Variants in CNGA1 observed in about 807,000 individuals in gnomAD.
CNGA1 encodes the protein cyclic nucleotide gated channel subunit alpha 1.
CNGA1 carries 53 observed loss-of-function variants against 69.7 expected under a neutral mutation model. That is an observed-to-expected ratio of 0.76 (90% CI 0.61 to 0.96). The LOEUF (loss-of-function observed/expected upper bound fraction) is 0.96. Ranked by LOEUF, CNGA1 falls within the 40% of genes least tolerant of loss-of-function variation. The pLI is 0.00. For missense variants in CNGA1, 739 were observed against 811.2 expected, an observed-to-expected ratio of 0.91 and a Z score of 1.08; for synonymous variants, 249 against 283.5, an observed-to-expected ratio of 0.88 and a Z score of 1.22.
intron 2 of CNGA1, among the ~76,000 whole-genome samples, chr4:47,989,503 AAATT>A: frequency 6.6e-6 from 1 of 152,278 alleles, no homozygotes; most frequent in Admixed American, 6.5e-5. Flanking sequence ...GCCCCCTCAT[AAATT>A]ACTAACCATT....
chr4:47,978,827 A>G (rs1034995195), intron 3 of CNGA1, among the ~76,000 whole-genome samples: 3 of 152,138 alleles, frequency 2.0e-5, no homozygotes, highest in Non-Finnish European at 2.9e-5. Context: ...TTTGTCAAAG[A>G]AATTTCTTTA....
intron 1 of CNGA1, among the ~76,000 whole-genome samples, chr4:48,014,794 C>T (rs928344311): frequency 6.6e-6 from 1 of 152,130 alleles, no homozygotes; most frequent in African/African-American, 2.4e-5. Flanking sequence ...AAAATAAGCA[C>T]CATAGATCAC....
chr4:47,998,379 G>A (rs1299708915), intron 2 of CNGA1, among the ~76,000 whole-genome samples: 1 of 152,104 alleles, frequency 6.6e-6, no homozygotes, highest in African/African-American at 2.4e-5. Flanking sequence ...TAACTTCCAA[G>A]GTATTAACAG....
At chr4:47,983,703 T>G (rs894908436) in intron 2 of CNGA1, among the ~76,000 whole-genome samples, 4 of 152,190 alleles carry the variant, frequency 2.6e-5, no homozygotes, top group Non-Finnish European at 5.9e-5. Flanking sequence ...AAATTAATGG[T>G]AAATATTTGG....
chr4:47,989,356 A>C (rs1377733219), intron 2 of CNGA1, among the ~76,000 whole-genome samples: 2 of 152,174 alleles, frequency 1.3e-5, no homozygotes, highest in Non-Finnish European at 2.9e-5. Context: ...TTGAAAGTTA[A>C]TTTTATATGA....
At chr4:47,956,932 T>C (rs1019043081) in intron 3 of CNGA1, among the ~76,000 whole-genome samples, 1 of 152,134 alleles carries the variant, frequency 6.6e-6, no homozygotes, top group Non-Finnish European at 1.5e-5. Flanking sequence ...TTTTTATTTT[T>C]TTATTTTTTT....
intron 6 of CNGA1, among the ~76,000 whole-genome samples, chr4:47,944,736 C>T (rs1739292712): frequency 1.3e-5 from 2 of 152,146 alleles, no homozygotes. Context: ...GTGGTACTAT[C>T]CTCTGTAGGC....
chr4:47,992,657 A>ATTTAT (rs1553870333), intron 2 of CNGA1, among the ~76,000 whole-genome samples: 6 of 145,254 alleles, frequency 4.1e-5, no homozygotes, highest in East Asian at 2.1e-4. Flanking sequence ...GATGCCATTT[A>ATTTAT]TTATTTATTT....
At chr4:47,979,113 G>GA (rs1741564983) in intron 3 of CNGA1, among the ~76,000 whole-genome samples, 1 of 152,024 alleles carries the variant, frequency 6.6e-6, no homozygotes, top group Non-Finnish European at 1.5e-5. Flanking sequence ...TTGAGCTCAG[G>GA]AGTTTGAGAC....
At chr4:47,974,174 G>A (rs546963957) in intron 3 of CNGA1, among the ~76,000 whole-genome samples, 16 of 143,052 alleles carry the variant, frequency 1.1e-4, no homozygotes, top group African/African-American at 3.7e-4. Context: ...AAAAGAAAAA[G>A]CAAATTGTGA....
chr4:47,943,418 GA>G lies in CNGA1; in HGVS notation c.288-7del. The G allele has an allele frequency of 1.4e-6, 2 of 1,428,204 alleles. No homozygotes were observed. The highest frequency in any genetic ancestry group is 5.0e-5 in the East Asian group (2 of 39,932). The allele number at this position is 1,428,204 out of a possible 1,614,324, so 88.5% of individuals were successfully genotyped here. On this transcript the variant is annotated splice_polypyrimidine_tract_variant and splice_region_variant and intron_variant, in intron 6 of 10. Coordinates refer to ENST00000514170, the MANE Select transcript of CNGA1 (RefSeq NM_001379270.1). ...TCTTTTTTTCTTCTGGTTCCCTAAA[GA>G]AAAAAATAATATATCTGTCACATAA...
At chr4:47,999,868 T>C (rs528343725) in intron 2 of CNGA1, among the ~76,000 whole-genome samples, 16 of 152,260 alleles carry the variant, frequency 1.1e-4, no homozygotes, top group African/African-American at 1.7e-4. Context: ...AGAGATTTCA[T>C]TTCAAAACTA....
chr4:47,980,886 G>GCAGTTAATCTCTTCAGAC (rs1741674227), intron 3 of CNGA1, among the ~76,000 whole-genome samples: 2 of 41,406 alleles, frequency 4.8e-5, no homozygotes, highest in Non-Finnish European at 1.3e-4. Context: ...CTCGGGCGAG[G>GCAGTTAATCTCTTCAGAC]CACTTAATCT....
intron 2 of CNGA1, among the ~76,000 whole-genome samples, chr4:48,009,221 CTT>C (rs1714527099): frequency 6.6e-6 from 1 of 152,110 alleles, no homozygotes; most frequent in Non-Finnish European, 1.5e-5. Context: ...AATCCCAGCA[CTT>C]TGGGAGGCCT....
chr4:47,949,401 G>T (rs1412248182), intron 6 of CNGA1, among the ~76,000 whole-genome samples: 1 of 152,148 alleles, frequency 6.6e-6, no homozygotes, highest in Non-Finnish European at 1.5e-5. Flanking sequence ...ATTCTCTGAA[G>T]TTCGACTTCT....
intron 3 of CNGA1, among the ~76,000 whole-genome samples, chr4:47,964,111 C>T (rs986426879): frequency 1.3e-5 from 2 of 152,134 alleles, no homozygotes; most frequent in Non-Finnish European, 1.5e-5. Flanking sequence ...AGAAATTCTT[C>T]GCTGACTCCT....
chr4:47,941,074 A>G (rs1645536006), intron 9 of CNGA1, among the ~76,000 whole-genome samples: 1 of 152,216 alleles, frequency 6.6e-6, no homozygotes, highest in South Asian at 2.1e-4. Flanking sequence ...CTGAATTCCA[A>G]CATCCTTTCC....
intron 2 of CNGA1, among the ~76,000 whole-genome samples, chr4:47,993,608 T>C (rs1298174849): frequency 6.6e-6 from 1 of 152,154 alleles, no homozygotes; most frequent in Non-Finnish European, 1.5e-5. Context: ...TCATGGTCTA[T>C]CAATTTTATT....
chr4:47,989,639 A>T (rs970659236), intron 2 of CNGA1, among the ~76,000 whole-genome samples: 7 of 152,130 alleles, frequency 4.6e-5, no homozygotes, highest in East Asian at 3.9e-4. Flanking sequence ...CACCTGATTT[A>T]AAAAAAAATT....
Sources: allele counts gnomAD v4.1 joint callset (sites outside exome capture counted in the v4.1 genomes callset), GRCh38; gene constraint gnomAD v4.1.1; transcripts MANE v1.5; gene names NCBI Gene and HGNC (gene_info 2026-07-23, HGNC 2026-07-21).